ZFAT: variants seen among roughly 807,000 people sequenced by gnomAD.
The protein encoded by ZFAT is zinc finger and AT-hook domain containing.
ZFAT carries 64 observed loss-of-function variants against 117.7 expected under a neutral mutation model. The observed-to-expected ratio is 0.54, with a 90% CI of 0.44 to 0.67. The LOEUF is 0.67. ZFAT is among the 30% of genes least tolerant of loss of function. The pLI is 0.00. For missense variants in ZFAT, 1,433 were observed against 1,584.5 expected, an observed-to-expected ratio of 0.90 and a Z score of 1.62; for synonymous variants, 679 against 615.0, an observed-to-expected ratio of 1.10 and a Z score of -1.54.
the ZFAT span, among the ~76,000 whole-genome samples, chr8:134,740,925 T>C: frequency 4.6e-5 from 7 of 152,202 alleles, no homozygotes; most frequent in Admixed American, 4.6e-4. Context: ...TCAACACCAC[T>C]TTGAATATGT....
chr8:134,706,980 C>T (rs779817531), intron 1 of ZFAT, among the ~76,000 whole-genome samples: 1 of 152,050 alleles, frequency 6.6e-6, no homozygotes, highest in Non-Finnish European at 1.5e-5. Flanking sequence ...TCTTCCTGTC[C>T]CTCAACATTT....
At chr8:134,607,490 C>T (rs911950553) in intron 5 of ZFAT, among the ~76,000 whole-genome samples, 2 of 152,182 alleles carry the variant, frequency 1.3e-5, no homozygotes, top group African/African-American at 4.8e-5. Context: ...ATGTTAGATG[C>T]AAAGTAACGT....
intron 15 of ZFAT, among the ~76,000 whole-genome samples, chr8:134,494,910 G>C (rs149463291): frequency 2.0e-5 from 3 of 152,110 alleles, no homozygotes; most frequent in African/African-American, 4.8e-5. Context: ...GACAGTCTCC[G>C]ATCTTATGCT....
chr8:134,585,707 C>G (rs1486045429), intron 9 of ZFAT, among the ~76,000 whole-genome samples: 1 of 152,186 alleles, frequency 6.6e-6, no homozygotes, highest in Non-Finnish European at 1.5e-5. Flanking sequence ...TGCAGGTTAA[C>G]TAGCTGTGGA....
intron 15 of ZFAT, among the ~76,000 whole-genome samples, chr8:134,499,150 C>G (rs1216926394): frequency 4.2e-4 from 36 of 86,170 alleles, no homozygotes; most frequent in Admixed American, 1.3e-3. Context: ...GTAGGGTTGG[C>G]GTGGAGCTGG....
chr8:134,640,572 C>T (rs1056004800), intron 2 of ZFAT, among the ~76,000 whole-genome samples: 1 of 152,164 alleles, frequency 6.6e-6, no homozygotes, highest in African/African-American at 2.4e-5. Flanking sequence ...CCCCCTCGCA[C>T]CTAACCTGGT....
At position 134,608,874 on chromosome 8, in the gene ZFAT, T is replaced by C. The variant is rs1828105727; in HGVS notation, c.640A>G (p.Thr214Ala). The C allele has an allele frequency of 6.2e-7, 1 of 1,603,626 alleles. No individual in the cohort carries two copies. The highest frequency in any genetic ancestry group is 8.5e-7 in the Non-Finnish European group (1 of 1,176,496). The change falls in exon 5 of 16, where the codon ACC becomes GCC. Residue 214 changes from threonine (T) to alanine (A), a missense_variant. Thr to Ala is a moderately conservative substitution (Grantham distance 58). Transcript: ENST00000377838. Reference sequence around the variant, plus strand: ...CCAGCCTCCACTGGCACAATCTTGGTAGCACCTGAGATTGATGCAAAAGGC... The same window carrying C: ...CCAGCCTCCACTGGCACAATCTTGGCAGCACCTGAGATTGATGCAAAAGGC... ...LTAHEAIPGA[T>A]KIVPVEAGPP... is the part of the protein sequence containing the mutation.
intron 9 of ZFAT, among the ~76,000 whole-genome samples, chr8:134,586,674 C>T (rs574529024): frequency 1.3e-5 from 2 of 152,320 alleles, no homozygotes; most frequent in East Asian, 3.9e-4. Context: ...GCTACGAATG[C>T]CTTCAACTTC....
At chr8:134,556,077 GAAGGA>G (rs1347682041) in intron 11 of ZFAT, among the ~76,000 whole-genome samples, 7 of 112,890 alleles carry the variant, frequency 6.2e-5, no homozygotes, top group Non-Finnish European at 7.5e-5. Flanking sequence ...GGAAGGAAGG[GAAGGA>G]AGGGAGGGAA....
At chr8:134,759,592 T>C in the ZFAT span, among the ~76,000 whole-genome samples, 1 of 139,690 alleles carries the variant, frequency 7.2e-6, no homozygotes, top group Non-Finnish European at 1.6e-5. Context: ...AAGAACATAA[T>C]TATTCATTTA....
intron 5 of ZFAT, among the ~76,000 whole-genome samples, chr8:134,608,174 G>C (rs1828035864): frequency 6.6e-6 from 1 of 152,110 alleles, no homozygotes; most frequent in South Asian, 2.1e-4. Flanking sequence ...AGTACTTTTG[G>C]TATTTAGTAT....
intron 3 of ZFAT, among the ~76,000 whole-genome samples, chr8:134,632,697 T>G (rs76531522): frequency 2.0e-3 from 298 of 152,030 alleles, no homozygotes; most frequent in African/African-American, 6.8e-3. Flanking sequence ...ATACAGAAAT[T>G]TAAAACTCCA....
chr8:134,771,196 C>T, the ZFAT span, among the ~76,000 whole-genome samples: 16 of 152,328 alleles, frequency 1.1e-4, no homozygotes, highest in South Asian at 2.1e-4. Flanking sequence ...CGGAACCTAC[C>T]GACATGTGAT....
chr8:134,809,802 G>C, the ZFAT span, among the ~76,000 whole-genome samples: 1 of 152,090 alleles, frequency 6.6e-6, no homozygotes, highest in Non-Finnish European at 1.5e-5. Flanking sequence ...AAACTATAGG[G>C]CATTCAGAAT....
chr8:134,502,763 G>A (rs1819091999), intron 15 of ZFAT, among the ~76,000 whole-genome samples: 1 of 152,218 alleles, frequency 6.6e-6, no homozygotes, highest in Non-Finnish European at 1.5e-5. Flanking sequence ...AGGAGCACTT[G>A]GGATTTTGAA....
intron 11 of ZFAT, among the ~76,000 whole-genome samples, chr8:134,540,899 G>T (rs1822201387): frequency 6.6e-6 from 1 of 152,162 alleles, no homozygotes; most frequent in Non-Finnish European, 1.5e-5. Flanking sequence ...TCTTGATTTT[G>T]TAGTTTTCCT....
At chr8:134,677,161 T>C (rs988815867) in intron 1 of ZFAT, among the ~76,000 whole-genome samples, 1 of 152,180 alleles carries the variant, frequency 6.6e-6, no homozygotes, top group Non-Finnish European at 1.5e-5. Flanking sequence ...AGTAGCTGGT[T>C]TTTTGAAAAG....
intron 1 of ZFAT, among the ~76,000 whole-genome samples, chr8:134,669,836 G>C (rs563158577): frequency 6.6e-6 from 1 of 152,312 alleles, no homozygotes; most frequent in East Asian, 1.9e-4. Flanking sequence ...AGACCCATCA[G>C]TGTGCTGTAT....
intron 5 of ZFAT, among the ~76,000 whole-genome samples, chr8:134,606,033 T>C (rs568471392): frequency 2.3e-4 from 35 of 152,274 alleles, no homozygotes; most frequent in African/African-American, 7.5e-4. Context: ...AGCAGAAAGC[T>C]GAAGGACAGA....
Sources: gnomAD v4.1 joint callset for allele counts (sites outside exome capture counted in the v4.1 genomes callset) on GRCh38, gnomAD v4.1.1 for gene constraint, MANE v1.5 for transcripts, NCBI Gene and HGNC (gene_info 2026-07-23, HGNC 2026-07-21) for gene names.